The following ARL15 variants were observed in gnomAD, a reference collection of about 807,000 sequenced individuals.
ARL15 encodes the protein ARF like GTPase 15.
In ARL15, 19 loss-of-function variants were observed where a neutral mutation model predicts 25.2. The ratio of observed to expected loss-of-function variants is 0.75; its 90% confidence interval spans 0.53 to 1.10. The LOEUF is 1.10. Among genes scored for constraint, ARL15 ranks in the 50% least tolerant of loss-of-function variants. ARL15 has a pLI of 0.00. For synonymous variants in ARL15, 94 were observed against 86.8 expected (o/e 1.08, Z -0.46); for missense variants, 220 against 246.0 (o/e 0.89, Z 0.71).
intron 3 of ARL15, among the ~76,000 whole-genome samples, chr5:54,124,734 C>A (rs1048412504): frequency 2.6e-5 from 4 of 152,106 alleles, no homozygotes; most frequent in Admixed American, 1.3e-4. Flanking sequence ...TTTATACTTG[C>A]CATAATGGCA....
intron 4 of ARL15, among the ~76,000 whole-genome samples, chr5:53,970,830 A>ACAAATGCATT (rs1747728294): frequency 6.6e-6 from 1 of 152,258 alleles, no homozygotes; most frequent in South Asian, 2.1e-4. Context: ...TGGAATGATC[A>ACAAATGCATT]CAAATGCATT....
At chr5:54,304,425 CCGA>C (rs1044790198) in intron 1 of ARL15, among the ~76,000 whole-genome samples, 1 of 152,214 alleles carries the variant, frequency 6.6e-6, no homozygotes, top group African/African-American at 2.4e-5. Context: ...CCTCTCACCC[CCGA>C]CCTGAGCACT....
At chr5:54,126,332 A>G (rs1753250781) in intron 3 of ARL15, among the ~76,000 whole-genome samples, 1 of 152,216 alleles carries the variant, frequency 6.6e-6, no homozygotes, top group Non-Finnish European at 1.5e-5. Context: ...CCCCAAATAA[A>G]CTAATTCTTG....
chr5:54,166,739 T>C (rs1041422490), intron 2 of ARL15, among the ~76,000 whole-genome samples: 3 of 152,112 alleles, frequency 2.0e-5, no homozygotes, highest in African/African-American at 7.2e-5. Flanking sequence ...TACAATACAG[T>C]GATAATAACA....
intron 1 of ARL15, among the ~76,000 whole-genome samples, chr5:54,187,459 T>G (rs943328166): frequency 2.0e-5 from 3 of 152,186 alleles, no homozygotes; most frequent in East Asian, 3.9e-4. Context: ...AGTACTACAA[T>G]TGAAGGACAT....
At position 53,886,324 on chromosome 5, in the gene ARL15, T is replaced by C; in HGVS notation, c.*237A>G. The C allele has an allele frequency of 7.0e-6, 3 of 430,440 alleles. No individual in the cohort carries two copies. Among genetic ancestry groups the C allele is most frequent in the Non-Finnish European group, 1.2e-5 (3 of 243,064 alleles). 26.7% of individuals were successfully genotyped at this position (430,440 alleles called of 1,614,324 possible). On this transcript the variant is annotated 3_prime_UTR_variant, in exon 5 of 5. Coordinates refer to ENST00000504924, the MANE Select transcript of ARL15 (RefSeq NM_019087.3). Reference sequence around the variant, plus strand: ...AGAAGGAAGAGACATGCGGGGAAGATAATTAGTGGTAAACAGAGAATAAAT... The same window carrying C: ...AGAAGGAAGAGACATGCGGGGAAGACAATTAGTGGTAAACAGAGAATAAAT...
At chr5:53,982,388 G>A (rs1024177216) in intron 4 of ARL15, among the ~76,000 whole-genome samples, 76 of 138,468 alleles carry the variant, frequency 5.5e-4, no homozygotes, top group African/African-American at 2.0e-3. Context: ...TCCTGTGTCC[G>A]TGTGTTCTCA....
chr5:54,256,216 T>G (rs1432783899), intron 1 of ARL15, among the ~76,000 whole-genome samples: 1 of 151,744 alleles, frequency 6.6e-6, no homozygotes, highest in Non-Finnish European at 1.5e-5. Context: ...CAATTGGAAA[T>G]GAAAACGGAG....
At chr5:54,122,079 C>T (rs1481471567) in intron 3 of ARL15, among the ~76,000 whole-genome samples, 1 of 152,160 alleles carries the variant, frequency 6.6e-6, no homozygotes, top group African/African-American at 2.4e-5. Flanking sequence ...TCTGTAATTC[C>T]TGAGAAAACC....
At chr5:54,060,203 G>A (rs1320044317) in intron 4 of ARL15, among the ~76,000 whole-genome samples, 1 of 151,798 alleles carries the variant, frequency 6.6e-6, no homozygotes, top group African/African-American at 2.4e-5. Flanking sequence ...GGGAGGCTGA[G>A]GTGGGTGGAT....
intron 4 of ARL15, among the ~76,000 whole-genome samples, chr5:53,953,856 G>C (rs1747054807): frequency 6.6e-6 from 1 of 152,096 alleles, no homozygotes; most frequent in African/African-American, 2.4e-5. Flanking sequence ...TTATGTAGGA[G>C]CCTTACGCTT....
At chr5:54,263,504 G>A (rs1198555621) in intron 1 of ARL15, among the ~76,000 whole-genome samples, 1 of 152,146 alleles carries the variant, frequency 6.6e-6, no homozygotes, top group Non-Finnish European at 1.5e-5. Flanking sequence ...AAAATAATAA[G>A]GAAGATGCAT....
intron 4 of ARL15, among the ~76,000 whole-genome samples, chr5:53,983,947 C>T (rs900850382): frequency 6.6e-6 from 1 of 152,200 alleles, no homozygotes; most frequent in African/African-American, 2.4e-5. Flanking sequence ...TCTCCCCAAG[C>T]TTCCATTTAT....
chr5:54,187,770 C>A (rs1457468623), intron 1 of ARL15, among the ~76,000 whole-genome samples: 1 of 152,168 alleles, frequency 6.6e-6, no homozygotes, highest in East Asian at 1.9e-4. Context: ...GAAGCAAATG[C>A]CTGGCAGTTC....
intron 4 of ARL15, among the ~76,000 whole-genome samples, chr5:53,991,912 A>G (rs1195922270): frequency 6.6e-6 from 1 of 152,242 alleles, no homozygotes. Context: ...AATAATACTT[A>G]TAAATTGAAA....
intron 4 of ARL15, among the ~76,000 whole-genome samples, chr5:54,034,315 C>T (rs1178822587): frequency 6.6e-6 from 1 of 152,134 alleles, no homozygotes; most frequent in Admixed American, 6.5e-5. Flanking sequence ...CTGTTTGGCC[C>T]TTGCTGAAAT....
intron 4 of ARL15, among the ~76,000 whole-genome samples, chr5:53,937,954 C>T (rs1300079097): frequency 6.6e-6 from 1 of 152,096 alleles, no homozygotes; most frequent in Non-Finnish European, 1.5e-5. Context: ...AAACAATTTC[C>T]ATGGCCATTC....
intron 4 of ARL15, among the ~76,000 whole-genome samples, chr5:54,102,865 T>C (rs554544568): frequency 1.4e-4 from 22 of 152,348 alleles, no homozygotes; most frequent in African/African-American, 4.8e-4. Context: ...TATTGTTCTA[T>C]GTGACTTCTA....
intron 4 of ARL15, among the ~76,000 whole-genome samples, chr5:53,972,549 C>T (rs1394714015): frequency 2.0e-5 from 3 of 152,080 alleles, no homozygotes; most frequent in South Asian, 2.1e-4. Flanking sequence ...TTAGGTTGCA[C>T]CAGGTAACAT....
Sources: allele counts gnomAD v4.1 joint callset (sites outside exome capture counted in the v4.1 genomes callset), GRCh38; gene constraint gnomAD v4.1.1; transcripts MANE v1.5; gene names NCBI Gene and HGNC (gene_info 2026-07-23, HGNC 2026-07-21).